The following DGKB variants were observed in gnomAD, a reference collection of about 807,000 sequenced individuals.
DGKB encodes diacylglycerol kinase beta.
In DGKB, 67 loss-of-function variants were observed where a neutral mutation model predicts 114.3. That is an observed-to-expected ratio of 0.59 (90% CI 0.48 to 0.72). The LOEUF (loss-of-function observed/expected upper bound fraction) is 0.72, where lower values mean the gene tolerates loss of function less well. Ranked by LOEUF, DGKB falls within the 30% of genes least tolerant of loss-of-function variation. The pLI, the probability that DGKB is intolerant of heterozygous loss-of-function variation, is 0.00. For missense variants in DGKB, 907 were observed against 975.2 expected (o/e 0.93, Z 0.93); for synonymous variants, 398 against 323.1 (o/e 1.23, Z -2.49).
chr7:14,171,203 G>T (rs2128237533), intron 25 of DGKB, among the ~76,000 whole-genome samples: 1 of 152,156 alleles, frequency 6.6e-6, no homozygotes, highest in East Asian at 1.9e-4. Context: ...GGCAAAGAGG[G>T]GTTAAAACAT....
rs554743296 is a variant in DGKB, at chr7:14,543,494, G to C, written c.1770+30718C>G. Among the ~76,000 whole-genome samples, 99 of 152,072 alleles carry C rather than the reference G, an allele frequency of 6.5e-4. 1 individual carries two copies. Among genetic ancestry groups the C allele is most frequent in the African/African-American group, 2.3e-3 (97 of 41,522 alleles). On this transcript the variant is annotated intron_variant, in intron 20 of 25. Transcript: ENST00000402815. ...GAAAGAAAGACCTAAATACAATAGA[G>C]TTAGAAGTTCTATCTGAAAGAATGA...
chr7:14,738,634 T>G (rs915651492), intron 4 of DGKB, among the ~76,000 whole-genome samples: 1 of 152,236 alleles, frequency 6.6e-6, no homozygotes, highest in Non-Finnish European at 1.5e-5. Context: ...GAATATCCAT[T>G]TTAAAAATTC....
At chr7:14,270,202 T>G (rs903734737) in intron 23 of DGKB, among the ~76,000 whole-genome samples, 3 of 152,100 alleles carry the variant, frequency 2.0e-5, no homozygotes, top group Admixed American at 1.3e-4. Flanking sequence ...GTTACTCAGT[T>G]TCTCTCTCAT....
intron 2 of DGKB, among the ~76,000 whole-genome samples, chr7:14,786,721 C>T (rs978290463): frequency 6.6e-6 from 1 of 152,244 alleles, no homozygotes; most frequent in African/African-American, 2.4e-5. Flanking sequence ...TGTGCATGCA[C>T]TTGGGGTGAC....
intron 2 of DGKB, among the ~76,000 whole-genome samples, chr7:14,834,826 G>T (rs1236332087): frequency 2.0e-5 from 3 of 152,174 alleles, no homozygotes; most frequent in South Asian, 4.2e-4. Flanking sequence ...TGGATTTTTT[G>T]GGGGGAGGTC....
chr7:14,346,483 A>T (rs79030485), intron 21 of DGKB, among the ~76,000 whole-genome samples: 5,009 of 152,042 alleles, frequency 0.033, 111 homozygotes, highest in Middle Eastern at 0.095. Flanking sequence ...AAAATTCACA[A>T]TCCCTTCATG....
At chr7:14,279,916 A>G (rs540487749) in intron 23 of DGKB, among the ~76,000 whole-genome samples, 96 of 152,240 alleles carry the variant, frequency 6.3e-4, no homozygotes, top group African/African-American at 1.9e-3. Flanking sequence ...GGAAAAAAAC[A>G]GAACAGAAAA....
intron 22 of DGKB, among the ~76,000 whole-genome samples, chr7:14,342,420 C>A (rs1340898296): frequency 6.6e-6 from 1 of 151,784 alleles, no homozygotes; most frequent in African/African-American, 2.4e-5. Context: ...TTTCACCCCT[C>A]CAAATACTTT....
chr7:14,606,111 G>T (rs1804458298), intron 17 of DGKB, among the ~76,000 whole-genome samples: 1 of 152,224 alleles, frequency 6.6e-6, no homozygotes, highest in African/African-American at 2.4e-5. Context: ...TCAAAGAAGA[G>T]CTACTTTTTT....
At chr7:14,969,813 A>G (rs969091325) in intron 1 of DGKB, among the ~76,000 whole-genome samples, 1 of 152,214 alleles carries the variant, frequency 6.6e-6, no homozygotes, top group African/African-American at 2.4e-5. Context: ...AAAACTGTAT[A>G]ACACATTACT....
At chr7:14,257,022 G>A (rs1562759660) in intron 23 of DGKB, among the ~76,000 whole-genome samples, 1 of 152,046 alleles carries the variant, frequency 6.6e-6, no homozygotes, top group African/African-American at 2.4e-5. Context: ...AAATCACCAG[G>A]AATGGTGGCA....
chr7:14,713,992 T>C (rs1827783934), intron 6 of DGKB, among the ~76,000 whole-genome samples: 1 of 151,988 alleles, frequency 6.6e-6, no homozygotes. Flanking sequence ...TTTTATATTT[T>C]CAAGCACTCA....
At chr7:14,847,723 C>A (rs775990022) in intron 1 of DGKB, among the ~76,000 whole-genome samples, 1 of 152,190 alleles carries the variant, frequency 6.6e-6, no homozygotes, top group Non-Finnish European at 1.5e-5. Context: ...TATAAAACTA[C>A]AACAGGAAGT....
chr7:14,220,944 A>T (rs1210629886), intron 23 of DGKB, among the ~76,000 whole-genome samples: 4 of 150,874 alleles, frequency 2.7e-5, no homozygotes, highest in African/African-American at 7.3e-5. Flanking sequence ...CTATAATAAA[A>T]TTTTTTTTTA....
chr7:14,187,017 AAAAT>A (rs143491018), intron 23 of DGKB, among the ~76,000 whole-genome samples: 16 of 152,214 alleles, frequency 1.1e-4, no homozygotes, highest in East Asian at 3.9e-4. Flanking sequence ...AACTTATGGA[AAAAT>A]AAATAAATAA....
At chr7:14,930,088 T>C (rs1484947690) in intron 1 of DGKB, among the ~76,000 whole-genome samples, 1 of 152,120 alleles carries the variant, frequency 6.6e-6, no homozygotes, top group East Asian at 1.9e-4. Flanking sequence ...TGTGTGTCTA[T>C]TTTTTACACC....
chr7:14,560,558 A>G (rs180999042), intron 20 of DGKB, among the ~76,000 whole-genome samples: 8 of 152,330 alleles, frequency 5.3e-5, no homozygotes, highest in Admixed American at 2.6e-4. Context: ...AAAAAACTGA[A>G]TAACATTCAG....
chr7:14,918,947 C>T (rs1307480515), intron 1 of DGKB, among the ~76,000 whole-genome samples: 1 of 151,810 alleles, frequency 6.6e-6, no homozygotes, highest in Admixed American at 6.6e-5. Flanking sequence ...CCTGTAATCC[C>T]AGCTACTCAG....
chr7:14,733,193 C>T (rs1236578278), intron 5 of DGKB, among the ~76,000 whole-genome samples: 1 of 152,068 alleles, frequency 6.6e-6, no homozygotes, highest in Non-Finnish European at 1.5e-5. Flanking sequence ...AGAAAAACAG[C>T]AAGTGCGGTG....
Sources: gnomAD v4.1 joint callset for allele counts (sites outside exome capture counted in the v4.1 genomes callset) on GRCh38, gnomAD v4.1.1 for gene constraint, MANE v1.5 for transcripts, NCBI Gene and HGNC (gene_info 2026-07-23, HGNC 2026-07-21) for gene names.